RGS12: variants seen among roughly 807,000 people sequenced by gnomAD.
The protein encoded by RGS12 is regulator of G protein signaling 12.
In RGS12, 66 loss-of-function variants were observed where a neutral mutation model predicts 120.1. The observed-to-expected ratio is 0.55, with a 90% CI of 0.45 to 0.67. The LOEUF is 0.67. Among genes scored for constraint, RGS12 ranks in the 30% least tolerant of loss-of-function variants. The pLI, the probability that RGS12 is intolerant of heterozygous loss-of-function variation, is 0.00. For missense variants in RGS12, 1,859 were observed against 1,957.7 expected (o/e 0.95, Z 0.95); for synonymous variants, 827 against 804.7 (o/e 1.03, Z -0.47).
intron 3 of RGS12, among the ~76,000 whole-genome samples, chr4:3,363,000 T>G (rs954236454): frequency 6.6e-6 from 1 of 151,538 alleles, no homozygotes; most frequent in African/African-American, 2.4e-5. Context: ...TGTGTGAGAG[T>G]GTGCACGTCT....
At position 3,428,670 on chromosome 4, in the gene RGS12, G is replaced by C; in HGVS notation, c.3524G>C (p.Gly1175Ala). The change falls in exon 16 of 18, where the codon GGG becomes GCG. Residue 1175 changes from glycine to alanine, a missense_variant. By Grantham distance (60) the Gly-to-Ala change is moderately conservative (BLOSUM62 0). Transcript: ENST00000336727. ...SKREESIAKIGKKKYQKINLD... is the reference protein window; with the variant it reads ...SKREESIAKIAKKKYQKINLD... Reference sequence around the variant, plus strand: ...AGAGAAGAATCTATTGCAAAGATTGGGAAAAAAAAATATCAGAAAATTAAT... The same window carrying C: ...AGAGAAGAATCTATTGCAAAGATTGCGAAAAAAAAATATCAGAAAATTAAT... 6.3e-7 allele frequency: 1 copy of C among 1,592,772 alleles called. No individual in the cohort carries two copies.
At chr4:3,291,916 A>G (rs758491041), upstream of RGS12, among the ~76,000 whole-genome samples, 3 of 152,204 alleles carry the variant, frequency 2.0e-5, no homozygotes, top group Non-Finnish European at 4.4e-5. Context: ...TGAGAATGCC[A>G]TTGGTTTCCT....
intron 2 of RGS12, chr4:3,324,748 C>G (rs1012598684): frequency 6.6e-6 from 1 of 152,312 alleles, no homozygotes; most frequent in Non-Finnish European, 1.5e-5. Flanking sequence ...CTTTGGCCTT[C>G]TTCCCTTTCA....
intron 11 of RGS12, 108 bp from the exon 12 acceptor site, chr4:3,422,797 T>C: frequency 1.8e-6 from 2 of 1,109,888 alleles, no homozygotes; most frequent in Non-Finnish European, 2.7e-6. Context: ...ATGGCTGTTT[T>C]TGAAGCTGCT....
chr4:3,326,826 T>A (rs1390593870), intron 2 of RGS12, among the ~76,000 whole-genome samples: 1 of 152,050 alleles, frequency 6.6e-6, no homozygotes, highest in Non-Finnish European at 1.5e-5. Flanking sequence ...CACAAACCAA[T>A]GGAAAAACAT....
At chr4:3,299,057 A>G (rs1242087427) in intron 1 of RGS12, among the ~76,000 whole-genome samples, 1 of 152,114 alleles carries the variant, frequency 6.6e-6, no homozygotes, top group East Asian at 1.9e-4. Context: ...GTAGATGGTA[A>G]CTGTAGTGAC....
chr4:3,348,188 A>T (rs972992859), intron 3 of RGS12, among the ~76,000 whole-genome samples: 5 of 152,236 alleles, frequency 3.3e-5, no homozygotes, highest in Non-Finnish European at 7.3e-5. Context: ...CCTGATCAAA[A>T]CAGGAGCACA....
At chr4:3,370,903 G>T (rs1416428766) in intron 3 of RGS12, among the ~76,000 whole-genome samples, 1 of 152,178 alleles carries the variant, frequency 6.6e-6, no homozygotes, top group Non-Finnish European at 1.5e-5. Context: ...TCCTCTTAAG[G>T]CTGTGTTGGT....
At chr4:3,300,399 A>G (rs565678734) in intron 1 of RGS12, among the ~76,000 whole-genome samples, 14 of 152,074 alleles carry the variant, frequency 9.2e-5, no homozygotes, top group Non-Finnish European at 1.8e-4. Context: ...TGGAAGAGGG[A>G]CAGCTCTGTG....
At chr4:3,301,551 G>A (rs1463068388) in intron 1 of RGS12, among the ~76,000 whole-genome samples, 1 of 152,158 alleles carries the variant, frequency 6.6e-6, no homozygotes, top group Non-Finnish European at 1.5e-5. Flanking sequence ...CTAAGGAGAG[G>A]CCCGCCAGGG....
At chr4:3,315,314 C>T (rs1379817839) in intron 1 of RGS12, among the ~76,000 whole-genome samples, 1 of 152,180 alleles carries the variant, frequency 6.6e-6, no homozygotes, top group East Asian at 1.9e-4. Flanking sequence ...GGGGGTGATC[C>T]GCGGACCACT....
At chr4:3,386,541 G>A in intron 4 of RGS12, 104 bp downstream of exon 4, 1 of 988,646 alleles carries the variant, frequency 1.0e-6, no homozygotes, top group Non-Finnish European at 1.6e-6. Context: ...CGGGTTGTTT[G>A]CCTTTCCCTG....
At chr4:3,361,981 C>T (rs1223070166) in intron 3 of RGS12, among the ~76,000 whole-genome samples, 1 of 152,194 alleles carries the variant, frequency 6.6e-6, no homozygotes, top group Non-Finnish European at 1.5e-5. Flanking sequence ...CTGGGGAAGT[C>T]AGTGTTGGGA....
At chr4:3,376,656 A>G (rs907899508) in intron 3 of RGS12, among the ~76,000 whole-genome samples, 14 of 152,278 alleles carry the variant, frequency 9.2e-5, no homozygotes, top group African/African-American at 3.4e-4. Context: ...GTTTCATCCC[A>G]TTTCATTTTT....
chr4:3,305,530 T>C (rs1023658938), intron 1 of RGS12, among the ~76,000 whole-genome samples: 3 of 152,154 alleles, frequency 2.0e-5, no homozygotes, highest in Non-Finnish European at 4.4e-5. Flanking sequence ...TGACCTGAAC[T>C]AGAGAGACAC....
At chr4:3,388,544 C>T (rs1046429977) in intron 4 of RGS12, among the ~76,000 whole-genome samples, 7 of 152,192 alleles carry the variant, frequency 4.6e-5, no homozygotes, top group African/African-American at 1.7e-4. Context: ...CAGGGGAAAG[C>T]CCTGGCTGAG....
At chr4:3,293,845 C>T (rs1246522188) in intron 1 of RGS12, among the ~76,000 whole-genome samples, 63 of 139,872 alleles carry the variant, frequency 4.5e-4, no homozygotes, top group Middle Eastern at 0.011. Context: ...GGCCCAGAGC[C>T]GTGGAGTGTA....
At chr4:3,332,501 C>T (rs969617764) in intron 2 of RGS12, among the ~76,000 whole-genome samples, 2 of 152,202 alleles carry the variant, frequency 1.3e-5, no homozygotes, top group Non-Finnish European at 2.9e-5. Flanking sequence ...ATTCTTGTAC[C>T]TGTCTCCAGG....
In RGS12 at chr4:3,417,396, A is replaced by C. The variant is rs1722523644; in HGVS notation, c.2616A>C (p.Gly872=). Residue 872 remains glycine (G), a synonymous_variant, in exon 9 of 18, where the codon GGA becomes GGC. Transcript: ENST00000336727. The part of the protein sequence containing the change: ...SSVSTPKKLS[G]KSKSGRSLNE... ...TTTCCATTTGATGACAGTTAAGTGG[A>C]AAATCAAAATCCGGCCGATCCCTGA... is the stretch of plus-strand genomic sequence containing the variant. 1 of 1,569,568 alleles carries C rather than the reference A, an allele frequency of 6.4e-7. No homozygotes were observed. Among genetic ancestry groups the C allele is most frequent in the African/African-American group, 1.4e-5 (1 of 72,810 alleles).
Sources: gnomAD v4.1 joint callset for allele counts (sites outside exome capture counted in the v4.1 genomes callset) on GRCh38, gnomAD v4.1.1 for gene constraint, MANE v1.5 for transcripts, NCBI Gene and HGNC (gene_info 2026-07-23, HGNC 2026-07-21) for gene names.